Variants in GPAT4 observed in about 807,000 individuals in gnomAD.
GPAT4 encodes 1-AGP acyltransferase 6.
A neutral mutation model predicts 58.0 loss-of-function variants in GPAT4; 17 were observed. The observed-to-expected ratio is 0.29, with a 90% confidence interval of 0.20 to 0.44. The LOEUF (loss-of-function observed/expected upper bound fraction) is 0.44, where lower values mean the gene tolerates loss of function less well. Among genes scored for constraint, GPAT4 ranks in the 20% least tolerant of loss-of-function variants. GPAT4 has a pLI of 1.00. For synonymous variants in GPAT4, 204 were observed against 210.1 expected (o/e 0.97, Z 0.25); for missense variants, 377 against 574.5 (o/e 0.66, Z 3.51).
rs562444614 is a variant in GPAT4, at chr8:41,586,340, G to A, written c.-849+8062G>A. On this transcript the variant is annotated intron_variant, in intron 1 of 12. Transcript: ENST00000396987. ...GTTGATGGACATTTTGGTTGTTTCC[G>A]TCTTTTGGCTGTTCTGAATAATGCC... Among the ~76,000 whole-genome samples the A allele has an allele frequency of 3.5e-4, 54 of 152,256 alleles. 1 individual carries two copies. In the South Asian group the frequency reaches 8.9e-3, roughly 25 times the overall value.
Position 41,598,970 on chromosome 8 carries a change from G to T in GPAT4, c.-170G>T, listed in dbSNP as rs1369937857. 10 of 849,540 alleles carry T rather than the reference G, an allele frequency of 1.2e-5. No homozygotes were observed. Among genetic ancestry groups the T allele is most frequent in the Non-Finnish European group, 1.8e-5 (10 of 559,144 alleles). The allele number at this position is 849,540 out of a possible 1,614,324, so 52.6% of individuals were successfully genotyped here. On this transcript the variant is annotated 5_prime_UTR_variant, in exon 2 of 13. Coordinates refer to ENST00000396987, the MANE Select transcript of GPAT4 (RefSeq NM_178819.4). ...TGTGGCCGTGTTTTTCTGTCATTCT[G>T]TTCCCAGGCCTTCTATTCAGGCGGT...
chr8:41,603,578 G>A (rs1335198414), intron 2 of GPAT4, among the ~76,000 whole-genome samples: 1 of 150,704 alleles, frequency 6.6e-6, no homozygotes, highest in Non-Finnish European at 1.5e-5. Context: ...TGCTTTAACT[G>A]ATCTGGGTAG....
At position 41,621,455 on chromosome 8, in the gene GPAT4, C is replaced by T. The variant is rs1050839031; in HGVS notation, c.*454C>T. On this transcript the variant is annotated 3_prime_UTR_variant, in exon 13 of 13. Transcript: ENST00000396987. The stretch of plus-strand genomic sequence containing the variant: ...ACAGCTGAGGCACTGTGGCTGGCTT[C>T]GGCCTCAACATCGCCCCCAGCCTTG... 5 of 162,536 alleles carry T rather than the reference C, an allele frequency of 3.1e-5. No homozygotes were observed. The South Asian group carries it at 5.2e-4, about 17-fold the overall frequency. The allele number at this position is 162,536 out of a possible 1,614,324, so 10.1% of individuals were successfully genotyped here.
rs757415755 is a variant in GPAT4, at chr8:41,611,947, G to A, written c.656G>A (p.Arg219Gln). 1.4e-5 allele frequency: 22 copies of A among 1,614,168 alleles called. No individual in the cohort carries two copies. Among genetic ancestry groups the A allele is most frequent in the South Asian group, 4.4e-5 (4 of 91,080 alleles). The change falls in exon 6 of 13, where the codon CGG becomes CAG. Residue 219 changes from arginine to glutamine, a missense_variant. Transcript: ENST00000396987. ...MSKHVHLMCY[R>Q]ICVRALTAII... is the part of the protein sequence containing the mutation. Reference sequence around the variant, plus strand: ...AAACATGTTCACTTAATGTGTTACCGGATCTGCGTGCGAGCGCTGACAGCC... The same window carrying A: ...AAACATGTTCACTTAATGTGTTACCAGATCTGCGTGCGAGCGCTGACAGCC...
intron 1 of GPAT4, among the ~76,000 whole-genome samples, chr8:41,588,005 A>G (rs879792569): frequency 6.6e-6 from 1 of 152,140 alleles, no homozygotes; most frequent in Admixed American, 6.6e-5. Flanking sequence ...TTTATTGAAC[A>G]CTTCCTGCTT....
At chr8:41,601,275 ACT>A (rs1364693384) in intron 2 of GPAT4, among the ~76,000 whole-genome samples, 1 of 151,860 alleles carries the variant, frequency 6.6e-6, no homozygotes, top group Non-Finnish European at 1.5e-5. Flanking sequence ...ATTGAGTTAG[ACT>A]CTGCACAGGT....
At chr8:41,620,138 C>G (rs1414571455) in intron 12 of GPAT4, among the ~76,000 whole-genome samples, 4 of 152,322 alleles carry the variant, frequency 2.6e-5, no homozygotes, top group African/African-American at 9.6e-5. Flanking sequence ...AAATCTATGC[C>G]TTTGCTATGG....
At chr8:41,609,993 C>A in intron 4 of GPAT4, 38 bp downstream of exon 4, 1 of 1,562,322 alleles carries the variant, frequency 6.4e-7, no homozygotes, top group South Asian at 1.2e-5. Context: ...TCGCTGCTGC[C>A]ACCCCACGTG....
Position 41,618,802 on chromosome 8 carries a change from T to A in GPAT4, c.1172T>A (p.Met391Lys), listed in dbSNP as rs946151758. The A allele has an allele frequency of 1.1e-5, 17 of 1,614,132 alleles. No individual in the cohort carries two copies. In the Admixed American group the frequency reaches 1.5e-4, roughly 14 times the overall value. ...TGCAGCGTGTGGTACCTGCCTCCCATGACTAGAGAGGTGAGTGCCTGCCCC... is the reference window on the plus strand; with the variant it reads ...TGCAGCGTGTGGTACCTGCCTCCCAAGACTAGAGAGGTGAGTGCCTGCCCC... Reference protein sequence around the residue: ...IVCSVWYLPPMTREADEDAVQ... With the variant: ...IVCSVWYLPPKTREADEDAVQ... Residue 391 changes from methionine to lysine, a missense_variant, in exon 11 of 13, where the codon ATG becomes AAG. Met to Lys is a moderately conservative substitution (Grantham distance 95, BLOSUM62 -1). Coordinates refer to ENST00000396987, the MANE Select transcript of GPAT4 (RefSeq NM_178819.4).
At chr8:41,595,175 T>A (rs111826122) in intron 1 of GPAT4, among the ~76,000 whole-genome samples, 15 of 150,694 alleles carry the variant, frequency 1.0e-4, no homozygotes, top group Non-Finnish European at 1.3e-4. Flanking sequence ...TTTTTTTTTT[T>A]AATTACCTGG....
intron 8 of GPAT4, 118 bp from the exon 9 acceptor site, chr8:41,614,268 T>G (rs1306451547): frequency 1.2e-6 from 1 of 818,988 alleles, no homozygotes; most frequent in East Asian, 2.7e-5. Flanking sequence ...GATACAGTTA[T>G]GCTTGTTAAC....
intron 1 of GPAT4, among the ~76,000 whole-genome samples, chr8:41,580,011 TTCCACTGACC>T (rs1162826735): frequency 9.2e-5 from 14 of 152,148 alleles, no homozygotes; most frequent in African/African-American, 3.4e-4. Flanking sequence ...GAGGCTGCGG[TTCCACTGACC>T]CATACTACTT....
At chr8:41,600,371 C>T (rs1803055491) in intron 2 of GPAT4, among the ~76,000 whole-genome samples, 1 of 152,068 alleles carries the variant, frequency 6.6e-6, no homozygotes, top group Non-Finnish European at 1.5e-5. Flanking sequence ...TTGAGAGTAA[C>T]TTTTATCGTT....
intron 7 of GPAT4, among the ~76,000 whole-genome samples, chr8:41,612,481 C>T (rs1208755029): frequency 1.3e-5 from 2 of 152,172 alleles, no homozygotes; most frequent in African/African-American, 4.8e-5. Flanking sequence ...ATGCCAAGGG[C>T]AGTCAGGCAG....
At chr8:41,599,630 C>T (rs1803027869) in intron 2 of GPAT4, among the ~76,000 whole-genome samples, 1 of 152,230 alleles carries the variant, frequency 6.6e-6, no homozygotes, top group African/African-American at 2.4e-5. Flanking sequence ...GAAGCTGCTG[C>T]AGGCATATTC....
intron 2 of GPAT4, among the ~76,000 whole-genome samples, chr8:41,604,765 G>T (rs1416715453): frequency 6.6e-6 from 1 of 152,232 alleles, no homozygotes; most frequent in Non-Finnish European, 1.5e-5. Flanking sequence ...AGTGGCAGTT[G>T]TGGAGAAGCT....
intron 10 of GPAT4, among the ~76,000 whole-genome samples, chr8:41,617,225 G>T (rs187535267): frequency 6.6e-6 from 1 of 152,084 alleles, no homozygotes; most frequent in African/African-American, 2.4e-5. Flanking sequence ...TTAGCCGGGC[G>T]TAGTGGCAGG....
chr8:41,605,710 T>C (rs1315493091), intron 2 of GPAT4, among the ~76,000 whole-genome samples: 1 of 152,054 alleles, frequency 6.6e-6, no homozygotes, highest in East Asian at 1.9e-4. Flanking sequence ...GTAGTTGGGG[T>C]TACAGGCCTG....
chr8:41,602,893 C>A (rs182928860), intron 2 of GPAT4, among the ~76,000 whole-genome samples: 8 of 152,100 alleles, frequency 5.3e-5, no homozygotes, highest in Non-Finnish European at 5.9e-5. Flanking sequence ...TGCCCTCCTG[C>A]GGCAGAGGGA....
Sources: gnomAD v4.1 joint callset for allele counts (sites outside exome capture counted in the v4.1 genomes callset) on GRCh38, gnomAD v4.1.1 for gene constraint, MANE v1.5 for transcripts, NCBI Gene and HGNC (gene_info 2026-07-23, HGNC 2026-07-21) for gene names.